The following ADAD1 variants were observed in gnomAD, a reference collection of about 807,000 sequenced individuals.
ADAD1 encodes the protein adenosine deaminase domain containing 1.
ADAD1 carries 46 observed loss-of-function variants against 66.8 expected under a neutral mutation model. The observed-to-expected ratio is 0.69, with a 90% CI of 0.54 to 0.88. The LOEUF (loss-of-function observed/expected upper bound fraction) is 0.88, where lower values mean the gene tolerates loss of function less well. Ranked by LOEUF, ADAD1 falls within the 40% of genes least tolerant of loss-of-function variation. The pLI is 0.00. For synonymous variants in ADAD1, 248 were observed against 229.4 expected (o/e 1.08, Z -0.73); for missense variants, 617 against 681.8 (o/e 0.91, Z 1.06).
intron 11 of ADAD1, among the ~76,000 whole-genome samples, chr4:122,416,484 T>C (rs1255239545): frequency 1.3e-5 from 2 of 152,224 alleles, no homozygotes; most frequent in Non-Finnish European, 2.9e-5. Context: ...CCTAGCAGTT[T>C]GGGAGGCTGA....
chr4:122,415,461 A>C lies in ADAD1; in HGVS notation c.1332A>C (p.Pro444=), dbSNP rs539159913. ...RVDDALTSKL[P]MFYLVNRPHI... ...ATGATGCACTCACTTCAAAACTTCC[A>C]ATGTTTTACTTAGTCAACAGACCTC... is the stretch of plus-strand genomic sequence containing the variant. Residue 444 remains proline, a synonymous_variant, in exon 11 of 13, where the codon CCA becomes CCC. Coordinates refer to ENST00000296513, the MANE Select transcript of ADAD1 (RefSeq NM_139243.4). 2 of 1,613,914 alleles carry C rather than the reference A, an allele frequency of 1.2e-6. No homozygotes were observed. The highest frequency in any genetic ancestry group is 2.7e-5 in the African/African-American group (2 of 75,040).
In ADAD1 at chr4:122,380,815, G is replaced by A. The variant is rs373730859; in HGVS notation, c.173-177G>A. Reference sequence around the variant, plus strand: ...TGCAAAATAGTCTTAGTACTCGATAGATGCAATAACATGTGGTGCTTGTCA... The same window carrying A: ...TGCAAAATAGTCTTAGTACTCGATAAATGCAATAACATGTGGTGCTTGTCA... On this transcript the variant is annotated intron_variant, in intron 3 of 12. Coordinates refer to ENST00000296513, the MANE Select transcript of ADAD1 (RefSeq NM_139243.4). Among the ~76,000 whole-genome samples the A allele has an allele frequency of 2.6e-5, 4 of 152,144 alleles. 1 individual carries two copies. The highest frequency in any genetic ancestry group is 1.3e-4 in the Admixed American group (2 of 15,278).
chr4:122,423,988 T>G (rs1161332577), intron 12 of ADAD1, among the ~76,000 whole-genome samples: 1 of 152,128 alleles, frequency 6.6e-6, no homozygotes, highest in Non-Finnish European at 1.5e-5. Flanking sequence ...AGGGTAAATT[T>G]TGTGACTCGT....
chr4:122,416,888 G>A (rs1159246050), intron 11 of ADAD1, among the ~76,000 whole-genome samples: 2 of 152,092 alleles, frequency 1.3e-5, no homozygotes, highest in Non-Finnish European at 2.9e-5. Context: ...ATTAATAACA[G>A]ACTCAACTAA....
intron 12 of ADAD1, among the ~76,000 whole-genome samples, chr4:122,424,494 A>G (rs1329709290): frequency 6.6e-6 from 1 of 152,180 alleles, no homozygotes; most frequent in Non-Finnish European, 1.5e-5. Flanking sequence ...CTGTTTTACC[A>G]TAAGCCAGTA....
intron 5 of ADAD1, 106 bp downstream of exon 5, chr4:122,384,072 A>T: frequency 1.9e-6 from 2 of 1,065,344 alleles, no homozygotes; most frequent in Non-Finnish European, 2.6e-6. Context: ...ACAAGATAGA[A>T]GTTGCAGGAT....
chr4:122,399,133 G>A (rs1337408476), intron 7 of ADAD1, among the ~76,000 whole-genome samples: 3 of 152,096 alleles, frequency 2.0e-5, no homozygotes, highest in Non-Finnish European at 2.9e-5. Flanking sequence ...TCCATCTTGA[G>A]TTGATTTTTG....
intron 11 of ADAD1, 73 bp downstream of exon 11, chr4:122,415,689 T>C (rs2150588850): frequency 1.6e-6 from 2 of 1,267,276 alleles, no homozygotes; most frequent in South Asian, 1.4e-5. Context: ...GTTTTTATTC[T>C]GACTCTTTTG....
intron 5 of ADAD1, among the ~76,000 whole-genome samples, chr4:122,386,568 T>TA (rs1795182687): frequency 6.6e-6 from 1 of 152,232 alleles, no homozygotes; most frequent in Admixed American, 6.5e-5. Flanking sequence ...TTTTGGCTTT[T>TA]GTTGCAATCG....
At chr4:122,392,632 T>C (rs1358853506) in intron 5 of ADAD1, among the ~76,000 whole-genome samples, 1 of 152,186 alleles carries the variant, frequency 6.6e-6, no homozygotes, top group East Asian at 1.9e-4. Context: ...GAATCCATAC[T>C]CTAAACCTCA....
At chr4:122,401,479 G>T (rs1795974367) in intron 7 of ADAD1, among the ~76,000 whole-genome samples, 2 of 152,066 alleles carry the variant, frequency 1.3e-5, no homozygotes. Flanking sequence ...TGCAGTTGTT[G>T]GATAGAATGT....
At chr4:122,407,188 C>T (rs1429707493) in intron 7 of ADAD1, among the ~76,000 whole-genome samples, 6 of 151,796 alleles carry the variant, frequency 4.0e-5, no homozygotes, top group Non-Finnish European at 7.4e-5. Flanking sequence ...AACGAAAACT[C>T]AAGATTTCCT....
intron 11 of ADAD1, among the ~76,000 whole-genome samples, chr4:122,419,180 A>G (rs1407476345): frequency 6.6e-6 from 1 of 152,226 alleles, no homozygotes; most frequent in Non-Finnish European, 1.5e-5. Flanking sequence ...CATATACATC[A>G]TGGAATACTA....
chr4:122,420,457 C>T (rs985542957), intron 11 of ADAD1, among the ~76,000 whole-genome samples: 1 of 152,190 alleles, frequency 6.6e-6, no homozygotes, highest in African/African-American at 2.4e-5. Flanking sequence ...AATAAGAACA[C>T]AAGGTATCTC....
Position 122,383,786 on chromosome 4 carries a change from G to A in ADAD1, c.362-13G>A. On this transcript the variant is annotated splice_polypyrimidine_tract_variant and intron_variant, in intron 4 of 12. Coordinates refer to ENST00000296513, the MANE Select transcript of ADAD1 (RefSeq NM_139243.4). ...AAAATTATTGTAGCATTCATTCTGA[G>A]TTCTTTTTCAAGGTAATGTTATGGG... is the stretch of plus-strand genomic sequence containing the variant. 1 of 1,576,418 alleles carries A rather than the reference G, an allele frequency of 6.3e-7. No individual in the cohort carries two copies. The highest frequency in any genetic ancestry group is 8.6e-7 in the Non-Finnish European group (1 of 1,166,240).
rs1475845899 is a variant in ADAD1, at chr4:122,415,478, A to G, written c.1349A>G (p.Asn450Ser). The G allele has an allele frequency of 5.6e-6, 9 of 1,613,820 alleles. No individual in the cohort carries two copies. Among genetic ancestry groups the G allele is most frequent in the South Asian group, 4.4e-5 (4 of 91,072 alleles). Reference protein sequence around the residue: ...TSKLPMFYLVNRPHISLVPSA... With the variant: ...TSKLPMFYLVSRPHISLVPSA... ...AAACTTCCAATGTTTTACTTAGTCA[A>G]CAGACCTCATATTAGTTTAGTACCC... Residue 450 changes from asparagine (N) to serine (S), a missense_variant, in exon 11 of 13, where the codon AAC becomes AGC. Coordinates refer to ENST00000296513, the MANE Select transcript of ADAD1 (RefSeq NM_139243.4).
intron 12 of ADAD1, among the ~76,000 whole-genome samples, chr4:122,423,347 TGAGAGAGCCCTGAAAG>T (rs761669256): frequency 1.2e-4 from 19 of 152,078 alleles, no homozygotes; most frequent in Non-Finnish European, 2.8e-4. Context: ...ATTTGGAAAA[TGAGAGAGCCCTGAAAG>T]GGCTGAGGTA....
chr4:122,388,796 A>C (rs1034551635), intron 5 of ADAD1, among the ~76,000 whole-genome samples: 2 of 151,122 alleles, frequency 1.3e-5, no homozygotes, highest in African/African-American at 4.9e-5. Context: ...TATTTTGTTA[A>C]TTTGTTTCAA....
At chr4:122,383,722 G>GT in intron 4 of ADAD1, 77 bp from the exon 5 acceptor site, 1 of 1,421,194 alleles carries the variant, frequency 7.0e-7, no homozygotes, top group Non-Finnish European at 9.3e-7. Flanking sequence ...GTACTGGAAT[G>GT]TTTTCCTATG....
Sources: gnomAD v4.1 joint callset for allele counts (sites outside exome capture counted in the v4.1 genomes callset) on GRCh38, gnomAD v4.1.1 for gene constraint, MANE v1.5 for transcripts, NCBI Gene and HGNC (gene_info 2026-07-23, HGNC 2026-07-21) for gene names.